PHF24: variants seen among roughly 807,000 people sequenced by gnomAD.
PHF24 encodes PHD finger protein 24, also known as Galpha inhibitory interacting protein.
A neutral mutation model predicts 42.6 loss-of-function variants in PHF24; 25 were observed. The observed-to-expected ratio is 0.59, with a 90% CI of 0.43 to 0.82. PHF24 has a LOEUF of 0.82. PHF24 is among the 40% of genes least tolerant of loss of function. PHF24 has a pLI of 0.00. For synonymous variants in PHF24, 185 were observed against 204.8 expected, an observed-to-expected ratio of 0.90 and a Z score of 0.83; for missense variants, 470 against 538.1, an observed-to-expected ratio of 0.87 and a Z score of 1.25.
At chr9:34,683,566 A>G in the PHF24 span, among the ~76,000 whole-genome samples, 1 of 152,196 alleles carries the variant, frequency 6.6e-6, no homozygotes, top group Non-Finnish European at 1.5e-5. Context: ...CCCCATACAT[A>G]CAAGCTCCTT....
chr9:34,888,916 G>A, the PHF24 span: 1 of 395,794 alleles, frequency 2.5e-6, no homozygotes, highest in Non-Finnish European at 4.4e-6. Context: ...TTCTAGGGTG[G>A]GGCTGGGAGG....
the PHF24 span, among the ~76,000 whole-genome samples, chr9:34,777,156 C>G: frequency 6.6e-6 from 1 of 152,082 alleles, no homozygotes; most frequent in Non-Finnish European, 1.5e-5. Context: ...TATGCTTGTA[C>G]TGGTTTTAGG....
the PHF24 span, among the ~76,000 whole-genome samples, chr9:34,912,903 A>G: frequency 6.6e-6 from 1 of 152,244 alleles, no homozygotes; most frequent in African/African-American, 2.4e-5. Context: ...CAAATACCTT[A>G]AAGTGGCTAT....
the PHF24 span, among the ~76,000 whole-genome samples, chr9:34,937,118 T>A: frequency 1.3e-5 from 2 of 150,182 alleles, no homozygotes; most frequent in Non-Finnish European, 3.0e-5. Flanking sequence ...GAGGAGCCCC[T>A]CTGCCCGGCC....
At chr9:34,804,738 A>G in the PHF24 span, among the ~76,000 whole-genome samples, 1 of 152,202 alleles carries the variant, frequency 6.6e-6, no homozygotes, top group South Asian at 2.1e-4. Flanking sequence ...TATAGCATGC[A>G]TACCAAATCC....
the PHF24 span, chr9:34,832,423 A>T: frequency 7.6e-7 from 1 of 1,307,358 alleles, no homozygotes; most frequent in African/African-American, 1.5e-5. Context: ...TTGTCTAGGG[A>T]CTGGGGACCA....
the PHF24 span, among the ~76,000 whole-genome samples, chr9:34,818,290 T>C: frequency 6.6e-6 from 1 of 152,240 alleles, no homozygotes; most frequent in East Asian, 1.9e-4. Flanking sequence ...CTTTTACCAC[T>C]GAATATGATA....
chr9:34,682,717 C>A, the PHF24 span, among the ~76,000 whole-genome samples: 1 of 152,124 alleles, frequency 6.6e-6, no homozygotes, highest in African/African-American at 2.4e-5. Flanking sequence ...TTTTCCCAGC[C>A]CCCTCTGCAC....
chr9:34,934,531 C>G, the PHF24 span, among the ~76,000 whole-genome samples: 5 of 151,386 alleles, frequency 3.3e-5, no homozygotes, highest in South Asian at 4.2e-4. Flanking sequence ...TACCCCCAGC[C>G]CCCCCTTCCT....
chr9:34,972,346 G>A (rs1827022653), exon 3 of PHF24: 1 of 1,597,938 alleles, frequency 6.3e-7, no homozygotes, highest in Non-Finnish European at 8.5e-7. Context: ...CTTTCTGCAG[G>A]TTGTCAACGA....
chr9:34,810,347 C>A, the PHF24 span, among the ~76,000 whole-genome samples: 1 of 152,166 alleles, frequency 6.6e-6, no homozygotes, highest in Admixed American at 6.5e-5. Flanking sequence ...CTGCGGGGAA[C>A]CGCCGCCATG....
At chr9:34,732,069 C>A in the PHF24 span, among the ~76,000 whole-genome samples, 1 of 151,324 alleles carries the variant, frequency 6.6e-6, no homozygotes, top group Non-Finnish European at 1.5e-5. Context: ...ACTTTATTGC[C>A]CGTGTTGGTC....
the PHF24 span, among the ~76,000 whole-genome samples, chr9:34,763,907 AG>A: frequency 2.6e-5 from 4 of 152,178 alleles, no homozygotes; most frequent in Admixed American, 6.6e-5. Context: ...TTTAGCACGA[AG>A]GGTTGTTGAA....
chr9:34,958,169 TCGCGCGGGTGCACACGCCGCAGCCCCCC>T (rs1294655537), upstream of PHF24: 26 of 148,140 alleles, frequency 1.8e-4, no homozygotes, highest in African/African-American at 6.1e-4. This position sits in a 1 kb window ranked among gnomAD's most constrained non-coding sequence, Gnocchi z 4.5. Context: ...CCAGGGCACC[TCGCGCGGGTGCACACGCCGCAGCCCCCC>T]GGGGCGGGTG....
the PHF24 span, chr9:34,665,658 A>G: frequency 1.4e-6 from 1 of 700,890 alleles, no homozygotes; most frequent in Non-Finnish European, 2.6e-6. Context: ...CATTCCCGAC[A>G]TGTCCTGGGC....
At chr9:34,938,923 C>A in the PHF24 span, among the ~76,000 whole-genome samples, 2 of 115,188 alleles carry the variant, frequency 1.7e-5, no homozygotes, top group African/African-American at 3.4e-5. Flanking sequence ...GGCGACAGAG[C>A]GAGACTCCAT....
At chr9:34,671,480 A>G in the PHF24 span, among the ~76,000 whole-genome samples, 1 of 152,154 alleles carries the variant, frequency 6.6e-6, no homozygotes, top group Non-Finnish European at 1.5e-5. Flanking sequence ...GCAGCCAAGG[A>G]CTCCAGAAAG....
At chr9:34,833,391 C>T in the PHF24 span, 1 of 1,550,984 alleles carries the variant, frequency 6.4e-7, no homozygotes, top group Non-Finnish European at 8.7e-7. Context: ...TGCTGCACTG[C>T]CTTCAAGTCA....
chr9:34,856,664 G>A, the PHF24 span, among the ~76,000 whole-genome samples: 1 of 152,264 alleles, frequency 6.6e-6, no homozygotes, highest in Non-Finnish European at 1.5e-5. Flanking sequence ...TAGGAGCTCC[G>A]TCCCAGGGGG....
Sources: allele counts gnomAD v4.1 joint callset (sites outside exome capture counted in the v4.1 genomes callset), GRCh38; gene constraint gnomAD v4.1.1; non-coding constraint Gnocchi (gnomAD v3.1); transcripts MANE v1.5; gene names NCBI Gene and HGNC (gene_info 2026-07-23, HGNC 2026-07-21).